Variants in MED12L observed in about 807,000 individuals in gnomAD.
MED12L encodes mediator of RNA polymerase II transcription subunit 12-like protein.
Under a neutral mutation model 281.3 loss-of-function variants are expected in MED12L, and 60 were observed. That is an observed-to-expected ratio of 0.21 (90% CI 0.17 to 0.26). MED12L has a LOEUF of 0.26. MED12L is among the 10% of genes least tolerant of loss of function. MED12L has a pLI of 1.00. For synonymous variants in MED12L, 974 were observed against 987.2 expected, an observed-to-expected ratio of 0.99 and a Z score of 0.25; for missense variants, 2,146 against 2,680.9, an observed-to-expected ratio of 0.80 and a Z score of 4.41.
At chr3:151,426,648 A>G (rs1000240668) in intron 43 of MED12L, among the ~76,000 whole-genome samples, 1 of 152,204 alleles carries the variant, frequency 6.6e-6, no homozygotes, top group Non-Finnish European at 1.5e-5. Flanking sequence ...TTGCAGACCC[A>G]AAGAGCTTTT....
chr3:151,264,924 C>A (rs1405461441), intron 16 of MED12L, among the ~76,000 whole-genome samples: 2 of 149,606 alleles, frequency 1.3e-5, no homozygotes, highest in African/African-American at 2.6e-5. Context: ...GCCACACTGG[C>A]CTTCTTGCTC....
At chr3:151,338,893 C>T (rs776500797) in intron 16 of MED12L, 53 of 1,584,258 alleles carry the variant, frequency 3.3e-5, no homozygotes, top group Non-Finnish European at 3.8e-5. Flanking sequence ...TTATTTTCAG[C>T]CTAAGGTAGT....
At chr3:151,138,235 G>A (rs939372686) in intron 5 of MED12L, among the ~76,000 whole-genome samples, 3 of 121,892 alleles carry the variant, frequency 2.5e-5, no homozygotes, top group African/African-American at 7.5e-5. Context: ...GTTCCTTTTT[G>A]TGGCCTCTTA....
chr3:151,152,796 G>A (rs567848025), intron 5 of MED12L, among the ~76,000 whole-genome samples: 4 of 152,294 alleles, frequency 2.6e-5, no homozygotes, highest in African/African-American at 7.2e-5. Context: ...AGGCCATCCT[G>A]TTCCAAAGTC....
chr3:151,427,514 G>T (rs1050536133), intron 43 of MED12L, among the ~76,000 whole-genome samples: 3 of 152,174 alleles, frequency 2.0e-5, no homozygotes, highest in Non-Finnish European at 4.4e-5. Flanking sequence ...GTTTTATTCT[G>T]TGAAATACTC....
intron 2 of MED12L, among the ~76,000 whole-genome samples, chr3:151,104,711 T>A (rs1422493953): frequency 6.6e-6 from 1 of 152,186 alleles, no homozygotes; most frequent in African/African-American, 2.4e-5. Flanking sequence ...ACATTTATTC[T>A]CTCATGGTTC....
intron 16 of MED12L, among the ~76,000 whole-genome samples, chr3:151,298,977 A>G (rs1745495900): frequency 6.6e-6 from 1 of 152,218 alleles, no homozygotes; most frequent in African/African-American, 2.4e-5. Context: ...TAATAACTGT[A>G]AAATGGAATA....
chr3:151,319,313 A>G (rs990080721), intron 16 of MED12L, among the ~76,000 whole-genome samples: 56 of 152,270 alleles, frequency 3.7e-4, no homozygotes, highest in African/African-American at 1.3e-3. Context: ...CTCACATTTC[A>G]TAAAAGCCCC....
intron 2 of MED12L, among the ~76,000 whole-genome samples, chr3:151,096,132 C>G (rs1396340416): frequency 6.6e-6 from 1 of 152,160 alleles, no homozygotes; most frequent in Non-Finnish European, 1.5e-5. Context: ...CTTGTGGCAA[C>G]AAGCCTATGG....
chr3:151,199,830 G>GT (rs1489946158), intron 16 of MED12L, among the ~76,000 whole-genome samples: 7 of 152,016 alleles, frequency 4.6e-5, no homozygotes, highest in Non-Finnish European at 1.0e-4. Flanking sequence ...AGGCCTTCTG[G>GT]TTTTTTTCTT....
At chr3:151,210,031 C>T (rs1726909363) in intron 16 of MED12L, among the ~76,000 whole-genome samples, 1 of 152,152 alleles carries the variant, frequency 6.6e-6, no homozygotes, top group Non-Finnish European at 1.5e-5. Context: ...AGTGTGCCTT[C>T]CATGGTGTCA....
intron 16 of MED12L, among the ~76,000 whole-genome samples, chr3:151,238,312 A>G (rs1267305095): frequency 6.6e-6 from 1 of 152,028 alleles, no homozygotes; most frequent in Non-Finnish European, 1.5e-5. Context: ...TTGGCCGGCT[A>G]ATTTTTGCAT....
At chr3:151,409,353 G>C (rs1716703474) in intron 40 of MED12L, 21 bp downstream of exon 40, 1 of 1,608,942 alleles carries the variant, frequency 6.2e-7, no homozygotes, top group Non-Finnish European at 8.5e-7. Flanking sequence ...TTGCTTTGTA[G>C]GTACTGACAG....
intron 24 of MED12L, 136 bp from the exon 25 acceptor site, chr3:151,368,014 A>G: frequency 1.2e-6 from 1 of 829,644 alleles, no homozygotes; most frequent in South Asian, 1.8e-5. Flanking sequence ...TCAGAAAAAT[A>G]GCCAGGGCCT....
intron 39 of MED12L, among the ~76,000 whole-genome samples, chr3:151,407,314 C>T (rs1369189305): frequency 6.6e-6 from 1 of 152,196 alleles, no homozygotes. Flanking sequence ...ACATGCAGAT[C>T]GCATTCTGCT....
At chr3:151,314,946 C>T (rs1748039894) in intron 16 of MED12L, among the ~76,000 whole-genome samples, 1 of 152,148 alleles carries the variant, frequency 6.6e-6, no homozygotes, top group African/African-American at 2.4e-5. Context: ...TGCTGTGAGT[C>T]CTGGGCTTTC....
intron 16 of MED12L, among the ~76,000 whole-genome samples, chr3:151,290,129 G>C (rs1466617529): frequency 6.6e-6 from 1 of 152,062 alleles, no homozygotes. Flanking sequence ...CTGACCTTGT[G>C]ATCACCTTGG....
At position 151,372,655 on chromosome 3, in the gene MED12L, T is replaced by G; in HGVS notation, c.3753T>G (p.Asp1251Glu). 1 of 1,613,952 alleles carries G rather than the reference T, an allele frequency of 6.2e-7. No homozygotes were observed. Among genetic ancestry groups the G allele is most frequent in the Non-Finnish European group, 8.5e-7 (1 of 1,179,826 alleles). The change falls in exon 27 of 45, where the codon GAT (aspartate) becomes GAG (glutamate). Residue 1251 changes from aspartate (D) to glutamate (E), a missense_variant. Asp to Glu is a conservative substitution (Grantham distance 45). Transcript: ENST00000687756. ...MRGLRCDGNA[D>E]DIWTASQNPK... ...GTTTGCGATGTGATGGGAATGCTGA[T>G]GATATCTGGACTGCCTCACAAAATC...
intron 16 of MED12L, among the ~76,000 whole-genome samples, chr3:151,194,885 C>A (rs114114660): frequency 0.011 from 1,729 of 152,176 alleles, 32 homozygotes; most frequent in African/African-American, 0.04. Flanking sequence ...CATAATTGGG[C>A]CGGGCGCGGT....
Sources: gnomAD v4.1 joint callset for allele counts (sites outside exome capture counted in the v4.1 genomes callset) on GRCh38, gnomAD v4.1.1 for gene constraint, MANE v1.5 for transcripts, NCBI Gene and HGNC (gene_info 2026-07-23, HGNC 2026-07-21) for gene names.